Variants in CDKL4 observed in about 807,000 individuals in gnomAD.
CDKL4 encodes cyclin-dependent kinase-like 4.
A neutral mutation model predicts 42.0 loss-of-function variants in CDKL4; 44 were observed. The observed-to-expected ratio is 1.05, with a 90% CI of 0.82 to 1.35. The LOEUF (loss-of-function observed/expected upper bound fraction) is 1.35. Ranked by LOEUF, CDKL4 falls within the 40% of genes most tolerant of loss-of-function variation. CDKL4 has a pLI of 0.00. For missense variants in CDKL4, 393 were observed against 369.9 expected (o/e 1.06, Z -0.51); for synonymous variants, 120 against 121.6 (o/e 0.99, Z 0.09).
chr2:39,224,497 A>G (rs528062794), intron 3 of CDKL4, among the ~76,000 whole-genome samples: 2 of 146,254 alleles, frequency 1.4e-5, no homozygotes, highest in South Asian at 4.3e-4. Context: ...CTTCTCCACT[A>G]ATTTTTTTTT....
chr2:39,205,611 T>A (rs1677115550), intron 4 of CDKL4, among the ~76,000 whole-genome samples: 1 of 150,458 alleles, frequency 6.6e-6, no homozygotes, highest in Non-Finnish European at 1.5e-5. Flanking sequence ...ATAGAAAAAA[T>A]TAACCAGGCG....
At chr2:39,239,971 T>C (rs1006180736) in intron 1 of CDKL4, among the ~76,000 whole-genome samples, 1 of 151,606 alleles carries the variant, frequency 6.6e-6, no homozygotes, top group African/African-American at 2.4e-5. Context: ...ACACTTGTAA[T>C]CCCAGCTACT....
chr2:39,169,607 A>G, the CDKL4 span, among the ~76,000 whole-genome samples: 1 of 152,176 alleles, frequency 6.6e-6, no homozygotes, highest in East Asian at 1.9e-4. Flanking sequence ...TGAAAGGGAG[A>G]CTTAGAAATG....
At chr2:39,241,846 C>T (rs908259404) in intron 1 of CDKL4, among the ~76,000 whole-genome samples, 4 of 152,084 alleles carry the variant, frequency 2.6e-5, no homozygotes, top group African/African-American at 9.7e-5. Flanking sequence ...AGTGGACCTC[C>T]GCTGTGGCCC....
intron 1 of CDKL4, among the ~76,000 whole-genome samples, chr2:39,237,618 G>A (rs916631083): frequency 6.6e-6 from 1 of 152,328 alleles, no homozygotes; most frequent in Non-Finnish European, 1.5e-5. Context: ...TAGTTTGGGA[G>A]GCCAAGGTGG....
chr2:39,186,420 G>A (rs1183754875), intron 7 of CDKL4, among the ~76,000 whole-genome samples: 1 of 152,108 alleles, frequency 6.6e-6, no homozygotes, highest in Non-Finnish European at 1.5e-5. Flanking sequence ...GTTGGAGTGT[G>A]GACACATGCT....
At chr2:39,228,030 C>G (rs1347836894) in intron 2 of CDKL4, among the ~76,000 whole-genome samples, 1 of 152,170 alleles carries the variant, frequency 6.6e-6, no homozygotes. Flanking sequence ...TTCTGACATT[C>G]TGAGGGCCTT....
intron 1 of CDKL4, among the ~76,000 whole-genome samples, chr2:39,232,561 G>C (rs1286499429): frequency 6.6e-6 from 1 of 152,114 alleles, no homozygotes; most frequent in African/African-American, 2.4e-5. Context: ...TCCACGTTAT[G>C]CCTAAATGGC....
intron 1 of CDKL4, among the ~76,000 whole-genome samples, chr2:39,242,709 A>C (rs1679720276): frequency 6.6e-6 from 1 of 152,326 alleles, no homozygotes; most frequent in Non-Finnish European, 1.5e-5. Flanking sequence ...GGAAAACAAA[A>C]ATCAAGAAAG....
At chr2:39,235,772 A>C (rs1391945869) in intron 1 of CDKL4, among the ~76,000 whole-genome samples, 2 of 152,188 alleles carry the variant, frequency 1.3e-5, no homozygotes, top group African/African-American at 4.8e-5. Context: ...CCACAACAAC[A>C]ACCACAATAA....
exon 2 of CDKL4, chr2:39,229,445 C>G (rs746455095): frequency 6.2e-7 from 1 of 1,613,508 alleles, no homozygotes; most frequent in South Asian, 1.1e-5. Context: ...TTAACAGCTA[C>G]TACTTGTCCA....
In CDKL4 at chr2:39,240,614, C is replaced by T. The variant is rs59784621; in HGVS notation, c.-57+3257G>A. On this transcript the variant is annotated intron_variant, in intron 1 of 9. Coordinates refer to ENST00000451199, the Ensembl canonical transcript of CDKL4. ...AATGTGTAAACAAAATGTGGATTAT[C>T]CATGCAACGAAATACTATTCAGCAA... 1.6e-3 allele frequency among the ~76,000 whole-genome samples: 237 copies of T among 149,868 alleles called. 6 individuals carry two copies. The East Asian group carries it at 0.021, about 13-fold the overall frequency.
Position 39,225,980 on chromosome 2 carries a change from C to T in CDKL4, c.169-20G>A, listed in dbSNP as rs1486847937. 6.2e-7 allele frequency: 1 copy of T among 1,603,100 alleles called. No homozygotes were observed. The highest frequency in any genetic ancestry group is 2.3e-5 in the East Asian group (1 of 44,128). ...TAATTGCTGTGAAAGAATTGAAATGCAAAGTTAAGTGATCTGTTACTAGTA... is the reference window on the plus strand; with the variant it reads ...TAATTGCTGTGAAAGAATTGAAATGTAAAGTTAAGTGATCTGTTACTAGTA... On this transcript the variant is annotated intron_variant, in intron 2 of 9. Coordinates refer to ENST00000451199, the Ensembl canonical transcript of CDKL4.
chr2:39,224,603 A>C (rs921936744), intron 3 of CDKL4, among the ~76,000 whole-genome samples: 3 of 150,256 alleles, frequency 2.0e-5, no homozygotes, highest in Non-Finnish European at 4.4e-5. Flanking sequence ...TCCTGGGTTG[A>C]AGCAATCATC....
intron 1 of CDKL4, among the ~76,000 whole-genome samples, chr2:39,243,060 G>C (rs1679738641): frequency 7.0e-6 from 1 of 143,016 alleles, no homozygotes; most frequent in African/African-American, 2.7e-5. Flanking sequence ...AGGTCAGCGA[G>C]CCAAGGTGGC....
intron 6 of CDKL4, 60 bp downstream of exon 6, chr2:39,190,245 A>T: frequency 9.1e-7 from 1 of 1,097,426 alleles, no homozygotes; most frequent in Non-Finnish European, 1.3e-6. Context: ...TTTTTATTAT[A>T]GTAACATATG....
intron 5 of CDKL4, among the ~76,000 whole-genome samples, chr2:39,200,676 A>G (rs1416325594): frequency 2.6e-5 from 4 of 152,226 alleles, no homozygotes; most frequent in African/African-American, 7.2e-5. Context: ...GAAACCAGAA[A>G]TAAAGCCAAA....
chr2:39,188,161 C>T (rs1281794934), intron 6 of CDKL4, among the ~76,000 whole-genome samples: 5 of 152,124 alleles, frequency 3.3e-5, no homozygotes, highest in African/African-American at 1.2e-4. Flanking sequence ...CCTGATTGTT[C>T]CCTCCAGAGA....
intron 9 of CDKL4, among the ~76,000 whole-genome samples, chr2:39,176,712 G>T (rs1558540400): frequency 6.6e-6 from 1 of 152,204 alleles, no homozygotes; most frequent in Non-Finnish European, 1.5e-5. Flanking sequence ...GGGATTACAG[G>T]TGTGGGCCAC....
Sources: allele counts gnomAD v4.1 joint callset (sites outside exome capture counted in the v4.1 genomes callset), GRCh38; gene constraint gnomAD v4.1.1; transcripts MANE v1.5; gene names NCBI Gene and HGNC (gene_info 2026-07-23, HGNC 2026-07-21).